The following WDR7 variants were observed in gnomAD, a reference collection of about 807,000 sequenced individuals.
WDR7 encodes the protein WD repeat domain 7.
A neutral mutation model predicts 169.4 loss-of-function variants in WDR7; 46 were observed. The ratio of observed to expected loss-of-function variants is 0.27; its 90% CI spans 0.21 to 0.35. WDR7 has a LOEUF of 0.35. Ranked by LOEUF, WDR7 falls within the 10% of genes least tolerant of loss-of-function variation. The pLI, the probability that WDR7 is intolerant of heterozygous loss-of-function variation, is 1.00. For missense variants in WDR7, 1,534 were observed against 1,859.3 expected, an observed-to-expected ratio of 0.83 and a Z score of 3.22; for synonymous variants, 612 against 666.8, an observed-to-expected ratio of 0.92 and a Z score of 1.27.
intron 23 of WDR7, among the ~76,000 whole-genome samples, chr18:56,936,484 A>G (rs2046962479): frequency 6.6e-6 from 1 of 152,236 alleles, no homozygotes; most frequent in Admixed American, 6.5e-5. Context: ...AGAAAAGGAA[A>G]GGATGATCAG....
chr18:56,916,744 C>T (rs993846647), intron 21 of WDR7, among the ~76,000 whole-genome samples: 10 of 152,114 alleles, frequency 6.6e-5, no homozygotes, highest in African/African-American at 2.2e-4. Flanking sequence ...TGGCATTTTA[C>T]TGTTTGTGTG....
At chr18:56,671,444 G>A (rs1454303019) in intron 1 of WDR7, among the ~76,000 whole-genome samples, 1 of 152,012 alleles carries the variant, frequency 6.6e-6, no homozygotes, top group Non-Finnish European at 1.5e-5. Context: ...GCTAATTTTT[G>A]TATTTTTAGT....
chr18:56,922,240 C>G (rs921751921), intron 21 of WDR7, among the ~76,000 whole-genome samples: 1 of 152,112 alleles, frequency 6.6e-6, no homozygotes, highest in Non-Finnish European at 1.5e-5. Context: ...AAAGGCAGAC[C>G]TATTTTTCAT....
chr18:57,012,715 C>G (rs1224584666), intron 26 of WDR7, among the ~76,000 whole-genome samples: 1 of 152,186 alleles, frequency 6.6e-6, no homozygotes, highest in African/African-American at 2.4e-5. Context: ...ATAAGACTTT[C>G]TCAGCTGTAG....
chr18:56,753,680 T>C (rs866363299), intron 14 of WDR7, among the ~76,000 whole-genome samples: 71 of 150,626 alleles, frequency 4.7e-4, no homozygotes, highest in Middle Eastern at 3.5e-3. Context: ...TGATTTGATA[T>C]ACATATATTT....
chr18:56,769,399 A>G (rs1490178699), intron 16 of WDR7, among the ~76,000 whole-genome samples: 6 of 152,134 alleles, frequency 3.9e-5, no homozygotes, highest in Admixed American at 3.9e-4. Flanking sequence ...GAGTTTCACC[A>G]TATTGCCCAG....
chr18:56,775,522 G>A (rs749437175), intron 16 of WDR7, among the ~76,000 whole-genome samples: 2 of 152,000 alleles, frequency 1.3e-5, no homozygotes, highest in African/African-American at 4.8e-5. Context: ...ATTAAAAGTA[G>A]CTCTATTTAT....
At chr18:57,020,916 C>A in intron 27 of WDR7, 67 bp downstream of exon 27, 1 of 1,447,882 alleles carries the variant, frequency 6.9e-7, no homozygotes, top group Non-Finnish European at 9.6e-7. Flanking sequence ...GTAAGCCTTC[C>A]TGTTGAGCCT....
chr18:56,906,674 G>C (rs1205720150), intron 21 of WDR7, among the ~76,000 whole-genome samples: 1 of 151,858 alleles, frequency 6.6e-6, no homozygotes, highest in Non-Finnish European at 1.5e-5. Flanking sequence ...CTCCTGAGTA[G>C]CTGGGATTAC....
chr18:56,841,943 A>G (rs554632556), intron 20 of WDR7, among the ~76,000 whole-genome samples: 1 of 152,240 alleles, frequency 6.6e-6, no homozygotes, highest in African/African-American at 2.4e-5. Flanking sequence ...TTCAGTAATC[A>G]GATATGCTTC....
intron 20 of WDR7, among the ~76,000 whole-genome samples, chr18:56,855,378 T>G (rs1490362640): frequency 6.6e-6 from 1 of 152,194 alleles, no homozygotes; most frequent in Non-Finnish European, 1.5e-5. Context: ...AAGATGCCTT[T>G]GATAAAGAGG....
intron 21 of WDR7, among the ~76,000 whole-genome samples, chr18:56,882,704 G>A (rs553889580): frequency 6.6e-6 from 1 of 152,142 alleles, no homozygotes; most frequent in South Asian, 2.1e-4. Flanking sequence ...AAATACCTAG[G>A]TCTTAAACTG....
intron 18 of WDR7, among the ~76,000 whole-genome samples, chr18:56,780,839 C>A (rs2044308603): frequency 6.6e-6 from 1 of 152,226 alleles, no homozygotes; most frequent in African/African-American, 2.4e-5. Flanking sequence ...TAATAATTGA[C>A]TAGCTTTTTT....
chr18:56,831,424 G>C (rs1157687636), intron 20 of WDR7, among the ~76,000 whole-genome samples: 1 of 152,106 alleles, frequency 6.6e-6, no homozygotes, highest in Admixed American at 6.5e-5. Flanking sequence ...AAAATACTGG[G>C]GAATGATGCT....
At chr18:56,911,330 G>A (rs1308384382) in intron 21 of WDR7, among the ~76,000 whole-genome samples, 4 of 152,048 alleles carry the variant, frequency 2.6e-5, no homozygotes, top group African/African-American at 7.2e-5. Context: ...ATATTAATTC[G>A]TTCATTTAAG....
At chr18:57,000,644 C>T (rs1056593064) in intron 26 of WDR7, among the ~76,000 whole-genome samples, 14 of 152,116 alleles carry the variant, frequency 9.2e-5, no homozygotes, top group Non-Finnish European at 1.9e-4. Flanking sequence ...GAGGAAAGCC[C>T]TTTTAAAACT....
At chr18:56,943,986 T>G (rs1225568496) in intron 25 of WDR7, among the ~76,000 whole-genome samples, 8 of 107,636 alleles carry the variant, frequency 7.4e-5, no homozygotes, top group Non-Finnish European at 1.3e-4. Flanking sequence ...TTGTGGGTTT[T>G]TTTTTTTTTT....
At chr18:56,766,035 T>TC (rs2044061181) in intron 16 of WDR7, among the ~76,000 whole-genome samples, 2 of 151,810 alleles carry the variant, frequency 1.3e-5, no homozygotes, top group South Asian at 4.1e-4. Context: ...TTTTTTTTTT[T>TC]CTGGTATAGA....
At chr18:56,901,190 A>C (rs1173557795) in intron 21 of WDR7, among the ~76,000 whole-genome samples, 2 of 152,184 alleles carry the variant, frequency 1.3e-5, no homozygotes, top group Non-Finnish European at 2.9e-5. Context: ...GCTTGAGGCC[A>C]GGAGTTTAAC....
Sources: allele counts gnomAD v4.1 joint callset (sites outside exome capture counted in the v4.1 genomes callset), GRCh38; gene constraint gnomAD v4.1.1; transcripts MANE v1.5; gene names NCBI Gene and HGNC (gene_info 2026-07-23, HGNC 2026-07-21).